Variants in EPHA6 observed in about 807,000 individuals in gnomAD.
EPHA6 encodes EPH receptor A6, also known as ephrin type-A receptor 6.
A neutral mutation model predicts 112.0 loss-of-function variants in EPHA6; 50 were observed. That is an observed-to-expected ratio of 0.45 (90% CI 0.36 to 0.56). The LOEUF (loss-of-function observed/expected upper bound fraction) is 0.56, where lower values mean the gene tolerates loss of function less well. Among genes scored for constraint, EPHA6 ranks in the 20% least tolerant of loss-of-function variants. EPHA6 has a pLI of 0.00. For synonymous variants in EPHA6, 529 were observed against 490.7 expected (o/e 1.08, Z -1.03); for missense variants, 1,280 against 1,417.4 (o/e 0.90, Z 1.56).
At chr3:97,671,627 C>T (rs1190703688) in intron 14 of EPHA6, among the ~76,000 whole-genome samples, 1 of 152,076 alleles carries the variant, frequency 6.6e-6, no homozygotes, top group African/African-American at 2.4e-5. Flanking sequence ...TCTTTAATAT[C>T]AAATCTCCTT....
rs28488752 is a variant in EPHA6 at position 97,665,639 on chromosome 3, A to G, written c.2784+27557A>G. 3.6e-3 allele frequency among the ~76,000 whole-genome samples: 543 copies of G among 152,280 alleles called. 2 individuals carry two copies. The highest frequency in any genetic ancestry group is 0.012 in the African/African-American group (496 of 41,558). On this transcript the variant is annotated intron_variant, in intron 14 of 17. Coordinates refer to ENST00000389672, the MANE Select transcript of EPHA6 (RefSeq NM_001080448.3). ...CTTAAAACACAATTCCATAACTACC[A>G]ATTATTCCACTTCTCCCACGGACCT...
chr3:97,170,027 C>G lies in EPHA6; in HGVS notation c.1115-56237C>G, dbSNP rs4857243. 1.4e-4 allele frequency among the ~76,000 whole-genome samples: 21 copies of G among 151,818 alleles called. No individual in the cohort carries two copies. In the South Asian group the frequency reaches 2.3e-3, roughly 17 times the overall value. On this transcript the variant is annotated intron_variant, in intron 3 of 17. Coordinates refer to ENST00000389672, the MANE Select transcript of EPHA6 (RefSeq NM_001080448.3). Reference sequence around the variant, plus strand: ...TACCTAATGCATGTGGGGCTTACAACCTAGATGACGGATTGATAGATGCAG... The same window carrying G: ...TACCTAATGCATGTGGGGCTTACAAGCTAGATGACGGATTGATAGATGCAG...
chr3:97,397,142 T>C (rs1299549951), intron 5 of EPHA6, among the ~76,000 whole-genome samples: 4 of 151,748 alleles, frequency 2.6e-5, no homozygotes, highest in African/African-American at 9.7e-5. Flanking sequence ...TACATAATTC[T>C]TACTCAGGGA....
At chr3:97,479,718 C>A (rs1030276743) in intron 9 of EPHA6, among the ~76,000 whole-genome samples, 1 of 152,104 alleles carries the variant, frequency 6.6e-6, no homozygotes, top group Admixed American at 6.5e-5. Context: ...ATTAGGGAAT[C>A]TTTATTCCTT....
At chr3:96,932,620 G>A (rs969170334) in intron 2 of EPHA6, among the ~76,000 whole-genome samples, 1 of 152,148 alleles carries the variant, frequency 6.6e-6, no homozygotes, top group South Asian at 2.1e-4. Flanking sequence ...CCCAGGTTCA[G>A]CTCCCCACTG....
At chr3:97,121,494 C>T (rs916006963) in intron 3 of EPHA6, among the ~76,000 whole-genome samples, 1 of 152,054 alleles carries the variant, frequency 6.6e-6, no homozygotes, top group African/African-American at 2.4e-5. Context: ...CTTTGGTGTA[C>T]ACTCCTACTT....
At chr3:97,606,512 G>A (rs915333671) in intron 12 of EPHA6, among the ~76,000 whole-genome samples, 1 of 151,232 alleles carries the variant, frequency 6.6e-6, no homozygotes, top group African/African-American at 2.4e-5. Flanking sequence ...TAACTAGATG[G>A]ATGGTGATGT....
Position 97,405,130 on chromosome 3 carries a change from G to A in EPHA6, c.1607-20G>A. On this transcript the variant is annotated intron_variant, in intron 5 of 17. Transcript: ENST00000389672. ...AATGATTCCTGCCAATTAATTCTTA[G>A]TTATTTTCTTTCCTTTCAGCACCTT... is the stretch of plus-strand genomic sequence containing the variant. 1 of 1,569,164 alleles carries A rather than the reference G, an allele frequency of 6.4e-7. No homozygotes were observed. The highest frequency in any genetic ancestry group is 2.3e-5 in the East Asian group (1 of 43,362).
intron 5 of EPHA6, among the ~76,000 whole-genome samples, chr3:97,330,076 T>A (rs1446647461): frequency 1.3e-5 from 2 of 152,134 alleles, no homozygotes; most frequent in African/African-American, 4.8e-5. Context: ...AAATAGGGAA[T>A]CCTTTCCCCA....
chr3:97,124,415 C>G (rs1478356387), intron 3 of EPHA6, among the ~76,000 whole-genome samples: 2 of 151,190 alleles, frequency 1.3e-5, no homozygotes, highest in African/African-American at 4.9e-5. Flanking sequence ...TTTTGGCCAT[C>G]ACAGGCATAC....
At chr3:96,823,461 G>A (rs552064625) in intron 1 of EPHA6, among the ~76,000 whole-genome samples, 1 of 151,706 alleles carries the variant, frequency 6.6e-6, no homozygotes, top group Non-Finnish European at 1.5e-5. Context: ...AGTGTCCATT[G>A]CTGACAAACA....
intron 9 of EPHA6, among the ~76,000 whole-genome samples, chr3:97,482,885 C>T (rs984291843): frequency 5.3e-5 from 8 of 152,134 alleles, no homozygotes; most frequent in African/African-American, 1.9e-4. Context: ...GCCTGTAAAA[C>T]CATACCTAAG....
At chr3:96,907,606 A>G (rs993747028) in intron 2 of EPHA6, among the ~76,000 whole-genome samples, 7 of 151,800 alleles carry the variant, frequency 4.6e-5, no homozygotes, top group Admixed American at 3.3e-4. Context: ...TTTAATATTT[A>G]GTAAGAGATG....
chr3:96,950,068 T>G (rs1370460129), intron 2 of EPHA6, among the ~76,000 whole-genome samples: 3 of 152,166 alleles, frequency 2.0e-5, no homozygotes, highest in Non-Finnish European at 4.4e-5. Context: ...TTTTAAAACT[T>G]CCATTAACTT....
At chr3:97,584,884 A>C (rs911641636) in intron 11 of EPHA6, among the ~76,000 whole-genome samples, 128 of 152,206 alleles carry the variant, frequency 8.4e-4, no homozygotes, top group African/African-American at 3.0e-3. Context: ...CCACTTTTCA[A>C]ATGAGAAAAC....
Position 97,659,769 on chromosome 3 carries a change from T to C in EPHA6, c.2784+21687T>C, listed in dbSNP as rs1376389261. On this transcript the variant is annotated intron_variant, in intron 14 of 17. Coordinates refer to ENST00000389672, the MANE Select transcript of EPHA6 (RefSeq NM_001080448.3). ...ATAAGTGGTACTTATTATGCTTATA[T>C]ATTAATGAATTTTGAATAAAATGAT... is the stretch of plus-strand genomic sequence containing the variant. 2.0e-5 allele frequency among the ~76,000 whole-genome samples: 3 copies of C among 152,078 alleles called. No individual in the cohort carries two copies. In the East Asian group the frequency reaches 5.8e-4, roughly 29 times the overall value.
Position 97,755,648 on chromosome 3 carries a change from C to T in EPHA6, c.*6947C>T, listed in dbSNP as rs1015409256. 6.6e-6 allele frequency among the ~76,000 whole-genome samples: 1 copy of T among 152,046 alleles called. No individual in the cohort carries two copies. Among genetic ancestry groups the T allele is most frequent in the Non-Finnish European group, 1.5e-5 (1 of 67,944 alleles). ...GAAAAAATTCCAAGGATATAAGAATCATTTTTCATATATTCCATTCAATTT... is the reference window on the plus strand; with the variant it reads ...GAAAAAATTCCAAGGATATAAGAATTATTTTTCATATATTCCATTCAATTT... On this transcript the variant is annotated 3_prime_UTR_variant, in exon 18 of 18. Coordinates refer to ENST00000389672, the MANE Select transcript of EPHA6 (RefSeq NM_001080448.3).
intron 10 of EPHA6, among the ~76,000 whole-genome samples, chr3:97,492,821 T>C (rs1052954588): frequency 6.6e-6 from 1 of 151,934 alleles, no homozygotes; most frequent in Non-Finnish European, 1.5e-5. Context: ...ATTGTCAAGC[T>C]GTAGAAAAGG....
At chr3:97,163,320 AAGCAAACAAACCATT>A (rs2076460972) in intron 3 of EPHA6, among the ~76,000 whole-genome samples, 3 of 152,150 alleles carry the variant, frequency 2.0e-5, no homozygotes, top group Admixed American at 1.3e-4. Context: ...TCAACCAACT[AAGCAAACAAACCATT>A]AGCAAACAAA....
Sources: gnomAD v4.1 joint callset for allele counts (sites outside exome capture counted in the v4.1 genomes callset) on GRCh38, gnomAD v4.1.1 for gene constraint, MANE v1.5 for transcripts, NCBI Gene and HGNC (gene_info 2026-07-23, HGNC 2026-07-21) for gene names.